The following CGREF1 variants were observed in gnomAD, a reference collection of about 807,000 sequenced individuals.
CGREF1 encodes cell growth regulator with EF hand domain protein 1.
Under a neutral mutation model 17.4 loss-of-function variants are expected in CGREF1, and 16 were observed. That is an observed-to-expected ratio of 0.92 (90% CI 0.62 to 1.40). The LOEUF is 1.40. Ranked by LOEUF, CGREF1 falls within the 40% of genes most tolerant of loss-of-function variation. The pLI is 0.00. For synonymous variants in CGREF1, 142 were observed against 154.6 expected, an observed-to-expected ratio of 0.92 and a Z score of 0.61; for missense variants, 296 against 376.4, an observed-to-expected ratio of 0.79 and a Z score of 1.77.
At chr2:27,108,292 A>C (rs934947777) in intron 1 of CGREF1, among the ~76,000 whole-genome samples, 1 of 152,186 alleles carries the variant, frequency 6.6e-6, no homozygotes, top group Non-Finnish European at 1.5e-5. Context: ...TAAAAATGCA[A>C]CGGGTGAGTT....
chr2:27,114,056 G>A (rs1210395659), intron 1 of CGREF1, among the ~76,000 whole-genome samples: 2 of 147,156 alleles, frequency 1.4e-5, no homozygotes, highest in Non-Finnish European at 3.0e-5. Flanking sequence ...GTGCAGTGGC[G>A]TGATCTCGGC....
rs974683950 is a variant in CGREF1 at position 27,103,112 on chromosome 2, T to C, written c.81-521A>G. On this transcript the variant is annotated intron_variant, in intron 2 of 5. Coordinates refer to ENST00000402394, the MANE Select transcript of CGREF1 (RefSeq NM_006569.6). ...GCTGCTCAGGATCTCGTTGTCAGTC[T>C]TTCAAGCTCCAAATGTGCTCCCACT... 1.1e-5 allele frequency: 11 copies of C among 985,282 alleles called. No individual in the cohort carries two copies. In the African/African-American group the frequency reaches 1.6e-4, roughly 14 times the overall value. 61.0% of individuals were successfully genotyped at this position (985,282 alleles called of 1,614,324 possible). A position where few individuals can be genotyped will look rare whatever the true frequency, so the allele number is the denominator to read the frequency against.
At chr2:27,102,853 A>AG (rs1368219890) in intron 2 of CGREF1, 1 of 835,754 alleles carries the variant, frequency 1.2e-6, no homozygotes, top group African/African-American at 1.8e-5. Context: ...GGTAGAGGCC[A>AG]GATGAGGCCA....
rs1670765395 is a variant in CGREF1, at chr2:27,100,638, T to C, written c.*636A>G. 9.0e-7 allele frequency: 1 copy of C among 1,109,122 alleles called. No individual in the cohort carries two copies. Among genetic ancestry groups the C allele is most frequent in the Non-Finnish European group, 1.2e-6 (1 of 849,944 alleles). 68.7% of individuals were successfully genotyped at this position (1,109,122 alleles called of 1,614,324 possible). On this transcript the variant is annotated 3_prime_UTR_variant, in exon 6 of 6. Coordinates refer to ENST00000402394, the MANE Select transcript of CGREF1 (RefSeq NM_006569.6). ...TAATTAGCTGCATATCACCTTAGGG[T>C]ACAGCACTTAACGCAATCTGCCTCA...
intron 1 of CGREF1, among the ~76,000 whole-genome samples, chr2:27,105,894 T>C (rs1187661275): frequency 1.3e-5 from 2 of 152,074 alleles, no homozygotes; most frequent in African/African-American, 4.8e-5. Context: ...ATAAAGTGAG[T>C]ATACATAATT....
rs536041124 is a variant in CGREF1 at position 27,102,478 on chromosome 2, C to T, written c.146+48G>A. 1.2e-5 allele frequency: 20 copies of T among 1,613,722 alleles called. No individual in the cohort carries two copies. In the South Asian group the frequency reaches 2.1e-4, roughly 17 times the overall value. On this transcript the variant is annotated intron_variant, in intron 3 of 5. Transcript: ENST00000402394. ...GCCCGGGAGAGGTGAGTCTGCAGCC[C>T]TGGGCCTGGTCTTCTCCCTGAAAGC...
intron 2 of CGREF1, 33 bp from the exon 3 acceptor site, chr2:27,102,624 A>G (rs759787891): frequency 6.3e-7 from 1 of 1,590,944 alleles, no homozygotes; most frequent in Non-Finnish European, 8.6e-7. Context: ...AGCCTTGCAG[A>G]GAGCCTCCCT....
At chr2:27,114,184 G>A (rs923814262) in intron 1 of CGREF1, among the ~76,000 whole-genome samples, 10 of 151,860 alleles carry the variant, frequency 6.6e-5, no homozygotes, top group African/African-American at 1.2e-4. Flanking sequence ...TAGTAGAGAC[G>A]GGGTTTCACC....
chr2:27,109,532 C>T (rs1671266806), intron 1 of CGREF1, among the ~76,000 whole-genome samples: 1 of 152,118 alleles, frequency 6.6e-6, no homozygotes, highest in Non-Finnish European at 1.5e-5. Flanking sequence ...TGGACAATGA[C>T]ATGTAAAGCA....
chr2:27,118,925 G>A lies in CGREF1; in HGVS notation c.-91C>T. ...CTGCGCCGCCCGCGCCTCGCCTCCC[G>A]CCGCCAGCCTCCCCCGGGCCGCTCC... On this transcript the variant is annotated 5_prime_UTR_variant, in exon 1 of 6. Coordinates refer to ENST00000402394, the MANE Select transcript of CGREF1 (RefSeq NM_006569.6). 1 of 152,434 alleles carries A rather than the reference G, an allele frequency of 6.6e-6. No individual in the cohort carries two copies. The highest frequency in any genetic ancestry group is 1.5e-5 in the Non-Finnish European group (1 of 68,168). The allele number at this position is 152,434 out of a possible 1,614,324, so 9.4% of individuals were successfully genotyped here.
chr2:27,113,348 G>A (rs575092812), intron 1 of CGREF1, among the ~76,000 whole-genome samples: 31 of 152,152 alleles, frequency 2.0e-4, no homozygotes, highest in Admixed American at 7.2e-4. Context: ...GCAAGCATCC[G>A]TAGGGAAGGC....
At chr2:27,100,039 CTT>C (rs922378764), downstream of CGREF1, 20 of 646,506 alleles carry the variant, frequency 3.1e-5, no homozygotes, top group African/African-American at 1.6e-4. Context: ...GATCCTCCCT[CTT>C]TGTGTCCATT....
chr2:27,102,741 C>T (rs986311248), intron 2 of CGREF1, 150 bp from the exon 3 acceptor site: 3 of 977,892 alleles, frequency 3.1e-6, no homozygotes, highest in Admixed American at 2.9e-5. Flanking sequence ...TGGGGAGGCT[C>T]TTCTGGTCTC....
chr2:27,101,448 GCCCC>G lies in CGREF1; in HGVS notation c.779_782del (p.Gly260AlafsTer61), dbSNP rs1397434327. On this transcript the variant is annotated frameshift_variant, in exon 6 of 6. Coordinates refer to ENST00000402394, the MANE Select transcript of CGREF1 (RefSeq NM_006569.6). LOFTEE classifies it low-confidence loss of function (END_TRUNC). ...GGGCATCTCCTTCAGCCTCTGCCTG[GCCCC>G]CAGCTTCCCCTCTGGGCCCGGGGGC... 1 of 609,570 alleles carries G rather than the reference GCCCC, an allele frequency of 1.6e-6. No individual in the cohort carries two copies. The allele number at this position is 609,570 out of a possible 1,614,324, so 37.8% of individuals were successfully genotyped here.
chr2:27,116,896 T>TCC (rs1558466851), intron 1 of CGREF1, among the ~76,000 whole-genome samples: 2 of 119,258 alleles, frequency 1.7e-5, no homozygotes, highest in African/African-American at 3.2e-5. Flanking sequence ...TCTCTCTCTC[T>TCC]CTCTCTCTCT....
intron 2 of CGREF1, 111 bp downstream of exon 2, chr2:27,104,176 G>C (rs553507397): frequency 9.2e-7 from 1 of 1,089,630 alleles, no homozygotes; most frequent in East Asian, 2.6e-5. Flanking sequence ...TACAGAGATC[G>C]GGGAACCTAC....
chr2:27,110,623 T>C (rs1671332875), intron 1 of CGREF1: 1 of 152,158 alleles, frequency 6.6e-6, no homozygotes, highest in Non-Finnish European at 1.5e-5. Flanking sequence ...CAGACAAACC[T>C]TTGGCAATTT....
At chr2:27,107,897 G>C (rs1412800979) in intron 1 of CGREF1, among the ~76,000 whole-genome samples, 1 of 135,610 alleles carries the variant, frequency 7.4e-6, no homozygotes, top group East Asian at 2.2e-4. Flanking sequence ...TCATGCCACT[G>C]CACTCCAGCC....
In CGREF1 at chr2:27,101,615, G is replaced by C. The variant is rs1170642270; in HGVS notation, c.616C>G (p.Gln206Glu). 2.5e-6 allele frequency: 4 copies of C among 1,613,804 alleles called. No homozygotes were observed. Among genetic ancestry groups the C allele is most frequent in the Non-Finnish European group, 3.4e-6 (4 of 1,179,986 alleles). Residue 206 changes from glutamine to glutamate, a missense_variant, in exon 6 of 6, where the codon CAG becomes GAG. This residue lies in a region of CGREF1 where 247 missense variants were observed against 267.2 expected (regional missense o/e 0.92). Coordinates refer to ENST00000402394, the MANE Select transcript of CGREF1 (RefSeq NM_006569.6). ...EARRESLDPV[Q>E]EPGGQAEADG... Reference sequence around the variant, plus strand: ...GCCTCTGCCTGGCCCCCAGGCTCCTGGACAGGATCCAAAGACTCCCTTCTG... The same window carrying C: ...GCCTCTGCCTGGCCCCCAGGCTCCTCGACAGGATCCAAAGACTCCCTTCTG...
Sources: allele counts gnomAD v4.1 joint callset (sites outside exome capture counted in the v4.1 genomes callset), GRCh38; gene constraint gnomAD v4.1.1; regional missense constraint gnomAD v4.1.1; transcripts MANE v1.5; gene names NCBI Gene and HGNC (gene_info 2026-07-23, HGNC 2026-07-21).